Variants in TRRAP observed in about 807,000 individuals in gnomAD.
TRRAP encodes the protein transformation/transcription domain associated protein.
Under a neutral mutation model 438.8 loss-of-function variants are expected in TRRAP, and 41 were observed. The observed-to-expected ratio is 0.09, with a 90% CI of 0.07 to 0.12. TRRAP has a LOEUF of 0.12. Ranked by LOEUF, TRRAP falls within the 10% of genes least tolerant of loss-of-function variation. The pLI, the probability that TRRAP is intolerant of heterozygous loss-of-function variation, is 1.00. For synonymous variants in TRRAP, 1,994 were observed against 1,962.9 expected (o/e 1.02, Z -0.42); for missense variants, 3,122 against 5,055.1 (o/e 0.62, Z 11.60).
In TRRAP at chr7:98,971,912, C is replaced by A; in HGVS notation, c.7806C>A (p.His2602Gln). ...AGCTGCACATGCTAACCAACAGGCACGACAAGTTTCTGGACACTCTCCGAG... is the reference window on the plus strand; with the variant it reads ...AGCTGCACATGCTAACCAACAGGCAAGACAAGTTTCTGGACACTCTCCGAG... ...GNQLHMLTNR[H>Q]DKFLDTLREV... Residue 2602 changes from histidine (H) to glutamine (Q), a missense_variant, in exon 53 of 73, where the codon CAC becomes CAA. His to Gln is a conservative substitution (Grantham distance 24). Around this residue, in one of 24 missense-constraint regions of TRRAP, gnomAD observed 992 missense variants for 1,281.2 expected, o/e 0.77. Coordinates refer to ENST00000456197, the MANE Select transcript of TRRAP (RefSeq NM_001375524.1). The A allele has an allele frequency of 6.2e-7, 1 of 1,614,180 alleles. No homozygotes were observed. Among genetic ancestry groups the A allele is most frequent in the Non-Finnish European group, 8.5e-7 (1 of 1,180,042 alleles).
intron 31 of TRRAP, among the ~76,000 whole-genome samples, chr7:98,944,608 A>G (rs1247151159): frequency 1.3e-5 from 2 of 152,190 alleles, no homozygotes; most frequent in Admixed American, 6.5e-5. Flanking sequence ...TTGGGGGCCC[A>G]GAGACAACAG....
At chr7:98,943,300 T>C (rs1308715188) in intron 31 of TRRAP, among the ~76,000 whole-genome samples, 4 of 152,236 alleles carry the variant, frequency 2.6e-5, no homozygotes, top group African/African-American at 9.6e-5. Context: ...AGTATTTCAA[T>C]TTTACCAGCT....
At chr7:98,989,855 A>G (rs1013129119) in intron 63 of TRRAP, among the ~76,000 whole-genome samples, 1 of 152,246 alleles carries the variant, frequency 6.6e-6, no homozygotes, top group Non-Finnish European at 1.5e-5. Context: ...GGCCCCAGGC[A>G]TCTTCCTGTT....
Position 99,005,598 on chromosome 7 carries a change from C to T in TRRAP, c.10753+250C>T, listed in dbSNP as rs1035883966. Among the ~76,000 whole-genome samples, 5 of 152,292 alleles carry T rather than the reference C, an allele frequency of 3.3e-5. No individual in the cohort carries two copies. The South Asian group carries it at 8.3e-4, about 25-fold the overall frequency. ...CTCTAAGGCGAGCTTGTCCAACCTG[C>T]GGGCTCCATGGGGCCCACGATGCCT... On this transcript the variant is annotated intron_variant, in intron 69 of 72. Transcript: ENST00000456197. This position sits in a 1 kb window ranked among gnomAD's most constrained non-coding sequence, Gnocchi z 5.1.
intron 6 of TRRAP, among the ~76,000 whole-genome samples, chr7:98,894,621 T>G (rs1308301677): frequency 7.7e-5 from 5 of 64,662 alleles, no homozygotes; most frequent in Middle Eastern, 7.9e-3. Flanking sequence ...TTTTCTTTTG[T>G]TGTTTTTTTT....
rs1299468742 is a variant in TRRAP at position 98,966,961 on chromosome 7, T to C, written c.7177-80T>C. ...AATGACCTTGTCTTATTGTGCTTGA[T>C]AAAATTGTAGGAGCTTAAAAAATAC... On this transcript the variant is annotated intron_variant, in intron 49 of 72. Coordinates refer to ENST00000456197, the MANE Select transcript of TRRAP (RefSeq NM_001375524.1). The C allele has an allele frequency of 3.4e-6, 5 of 1,471,028 alleles. No homozygotes were observed. The Admixed American group carries it at 6.4e-5, about 19-fold the overall frequency. 91.1% of individuals were successfully genotyped at this position (1,471,028 alleles called of 1,614,324 possible).
chr7:98,901,002 G>T (rs1195530356), intron 11 of TRRAP, among the ~76,000 whole-genome samples: 1 of 152,208 alleles, frequency 6.6e-6, no homozygotes, highest in Non-Finnish European at 1.5e-5. Context: ...CCAGTGTCTA[G>T]TCTCTGCAAC....
In TRRAP at chr7:98,948,647, G is replaced by A. The variant is rs1484286319; in HGVS notation, c.4750G>A (p.Ala1584Thr). Reference sequence around the variant, plus strand: ...GACAGTGGAGCTGTTCATGATGGAAGCCACACTGAACGATCCCCAGTGGAG... The same window carrying A: ...GACAGTGGAGCTGTTCATGATGGAAACCACACTGAACGATCCCCAGTGGAG... ...SQTVELFMME[A>T]TLNDPQWSRM... Residue 1584 changes from alanine to threonine, a missense_variant, in exon 35 of 73, where the codon GCC becomes ACC. Physicochemically the swap from Ala to Thr is moderately conservative, Grantham distance 58. Around this residue, in one of 24 missense-constraint regions of TRRAP, gnomAD observed 108 missense variants for 256.9 expected, o/e 0.42. Coordinates refer to ENST00000456197, the MANE Select transcript of TRRAP (RefSeq NM_001375524.1). The surrounding 1 kb of genome is among the most constrained non-coding windows in gnomAD (Gnocchi z 4.9). 1.2e-6 allele frequency: 2 copies of A among 1,614,076 alleles called. No individual in the cohort carries two copies. The highest frequency in any genetic ancestry group is 3.3e-5 in the Admixed American group (2 of 60,000).
intron 6 of TRRAP, among the ~76,000 whole-genome samples, 197 bp downstream of exon 6, chr7:98,894,078 C>T (rs1031634471): frequency 6.6e-6 from 1 of 152,126 alleles, no homozygotes; most frequent in Non-Finnish European, 1.5e-5. Context: ...TAAATTGGTT[C>T]AGTAGTTGAA....
intron 21 of TRRAP, 35 bp from the exon 22 acceptor site, chr7:98,925,077 G>A (rs1554411317): frequency 6.3e-7 from 1 of 1,580,622 alleles, no homozygotes; most frequent in Non-Finnish European, 8.6e-7. Flanking sequence ...TGTAATTTCA[G>A]CACAAACTGT....
intron 50 of TRRAP, 33 bp from the exon 51 acceptor site, chr7:98,967,452 A>G (rs758998492): frequency 4.0e-5 from 65 of 1,610,062 alleles, no homozygotes; most frequent in Admixed American, 6.7e-5. Flanking sequence ...TGGGGAGTCC[A>G]TCGTCTTGCC....
chr7:98,909,914 C>T (rs1378075660), intron 14 of TRRAP, 142 bp from the exon 15 acceptor site: 5 of 1,419,230 alleles, frequency 3.5e-6, no homozygotes, highest in Admixed American at 2.8e-5. Context: ...ACTGCAATTC[C>T]TTTGACACCA....
At chr7:98,939,160 A>G (rs1392032617) in intron 30 of TRRAP, among the ~76,000 whole-genome samples, 2 of 152,204 alleles carry the variant, frequency 1.3e-5, no homozygotes, top group Admixed American at 1.3e-4. Context: ...TTTCATGCTT[A>G]TGTTTCCCAA....
In TRRAP at chr7:98,910,960, T is replaced by C. The variant is rs541853509; in HGVS notation, c.1813-117T>C. 4.8e-6 allele frequency: 4 copies of C among 828,692 alleles called. No homozygotes were observed. In the South Asian group the frequency reaches 1.1e-4, roughly 23 times the overall value. 51.3% of individuals were successfully genotyped at this position (828,692 alleles called of 1,614,324 possible). A position where few individuals can be genotyped will look rare whatever the true frequency, so the allele number is the denominator to read the frequency against. On this transcript the variant is annotated intron_variant, in intron 16 of 72. Coordinates refer to ENST00000456197, the MANE Select transcript of TRRAP (RefSeq NM_001375524.1). ...TTTAAAAGGTTTTGGAGGGGGACAT[T>C]TGTTATCTAATTTAAGTGCTCTATT...
At chr7:98,897,901 T>C in intron 8 of TRRAP, 35 bp downstream of exon 8, 1 of 1,611,434 alleles carries the variant, frequency 6.2e-7, no homozygotes, top group Non-Finnish European at 8.5e-7. Context: ...TACCCGTGGC[T>C]CCTGTAGTTT....
intron 11 of TRRAP, 37 bp downstream of exon 11, chr7:98,900,757 T>G: frequency 6.5e-7 from 1 of 1,547,314 alleles, no homozygotes; most frequent in East Asian, 2.2e-5. Context: ...TTTATTGAGA[T>G]AGTTTACATA....
intron 2 of TRRAP, 87 bp from the exon 3 acceptor site, chr7:98,881,888 C>T (rs907520108): frequency 1.4e-6 from 2 of 1,439,020 alleles, no homozygotes; most frequent in Admixed American, 2.0e-5. Context: ...CTGATTGCTT[C>T]TCTTAAATTA....
chr7:98,942,201 G>C (rs147946205), intron 30 of TRRAP, among the ~76,000 whole-genome samples: 136 of 152,314 alleles, frequency 8.9e-4, no homozygotes, highest in Non-Finnish European at 1.5e-3. Context: ...AGAGTCTCTT[G>C]CTGAAGCATG....
In TRRAP at chr7:98,994,404, T is replaced by C. The variant is rs1793559876; in HGVS notation, c.10048-183T>C. Among the ~76,000 whole-genome samples, 1 of 152,198 alleles carries C rather than the reference T, an allele frequency of 6.6e-6. No individual in the cohort carries two copies. The highest frequency in any genetic ancestry group is 1.5e-5 in the Non-Finnish European group (1 of 68,026). ...CCAAGGTCAAAAGCGCCTGCTCCCA[T>C]GTGGCATGCACAGGCGTCCCGTTTC... On this transcript the variant is annotated intron_variant, in intron 66 of 72. Transcript: ENST00000456197. This position sits in a 1 kb window ranked among gnomAD's most constrained non-coding sequence, Gnocchi z 4.8.
Sources: gnomAD v4.1 joint callset for allele counts (sites outside exome capture counted in the v4.1 genomes callset) on GRCh38, gnomAD v4.1.1 for gene constraint, gnomAD v4.1.1 regional missense constraint, Gnocchi (gnomAD v3.1) non-coding constraint, MANE v1.5 for transcripts, NCBI Gene and HGNC (gene_info 2026-07-23, HGNC 2026-07-21) for gene names.